The following ADAM22 variants were observed in gnomAD, a reference collection of about 807,000 sequenced individuals.
ADAM22 encodes ADAM metallopeptidase domain 22.
ADAM22 carries 65 observed loss-of-function variants against 144.6 expected under a neutral mutation model. The ratio of observed to expected loss-of-function variants is 0.45; its 90% CI spans 0.37 to 0.55. The LOEUF (loss-of-function observed/expected upper bound fraction) is 0.55. ADAM22 is among the 20% of genes least tolerant of loss of function. ADAM22 has a pLI of 0.00. For missense variants in ADAM22, 974 were observed against 1,184.9 expected (o/e 0.82, Z 2.61); for synonymous variants, 391 against 412.6 (o/e 0.95, Z 0.63).
intron 29 of ADAM22, among the ~76,000 whole-genome samples, chr7:88,182,966 C>A (rs1847452903): frequency 6.6e-6 from 1 of 152,134 alleles, no homozygotes; most frequent in African/African-American, 2.4e-5. Context: ...TATTTGTTAA[C>A]TGCTTGTCAA....
chr7:88,068,043 G>T (rs940473389), intron 3 of ADAM22, among the ~76,000 whole-genome samples: 4 of 151,866 alleles, frequency 2.6e-5, no homozygotes, highest in African/African-American at 9.7e-5. Context: ...ACATGCTGAG[G>T]GTATAGATAA....
rs1843455183 is a variant in ADAM22 at position 87,945,433 on chromosome 7, G to A, written c.246+10247G>A. On this transcript the variant is annotated intron_variant, in intron 2 of 31. Coordinates refer to ENST00000413139, the MANE Select transcript of ADAM22 (RefSeq NM_001324418.2). ...AAAACTTTAAGTAAGTGTTTAATAA[G>A]GATAGGATTTTGAAAAACAGATATA... Among the ~76,000 whole-genome samples, 3 of 151,988 alleles carry A rather than the reference G, an allele frequency of 2.0e-5. No individual in the cohort carries two copies. The South Asian group carries it at 6.2e-4, about 32-fold the overall frequency.
At chr7:88,074,502 C>A (rs779112475) in intron 3 of ADAM22, among the ~76,000 whole-genome samples, 21 of 152,054 alleles carry the variant, frequency 1.4e-4, no homozygotes. Flanking sequence ...TTATGCTAGA[C>A]CTGGAATTTC....
intron 3 of ADAM22, among the ~76,000 whole-genome samples, chr7:88,023,349 A>G (rs1798245343): frequency 6.6e-6 from 1 of 152,250 alleles, no homozygotes; most frequent in Non-Finnish European, 1.5e-5. Context: ...TGTAATAACC[A>G]TATCAGGGTA....
At chr7:88,072,247 T>A (rs1431117689) in intron 3 of ADAM22, among the ~76,000 whole-genome samples, 2 of 152,222 alleles carry the variant, frequency 1.3e-5, no homozygotes, top group East Asian at 3.8e-4. Context: ...AGCTGCATAA[T>A]TCCTGAGCAG....
chr7:87,980,669 A>C (rs952173616), intron 3 of ADAM22, among the ~76,000 whole-genome samples: 1 of 152,186 alleles, frequency 6.6e-6, no homozygotes, highest in African/African-American at 2.4e-5. Context: ...ATGTTCAGTA[A>C]ATAAAATTAT....
At chr7:88,064,678 C>G (rs548122558) in intron 3 of ADAM22, among the ~76,000 whole-genome samples, 1 of 152,120 alleles carries the variant, frequency 6.6e-6, no homozygotes, top group East Asian at 1.9e-4. Flanking sequence ...GATAGAAGGG[C>G]AAAGGGGACT....
intron 2 of ADAM22, among the ~76,000 whole-genome samples, chr7:87,949,574 G>A (rs1344617422): frequency 1.3e-5 from 2 of 152,130 alleles, no homozygotes; most frequent in African/African-American, 2.4e-5. Context: ...CTGAGAGAGT[G>A]ACATCTACTA....
chr7:88,092,649 A>C (rs1026371987), intron 4 of ADAM22, among the ~76,000 whole-genome samples: 1 of 152,230 alleles, frequency 6.6e-6, no homozygotes, highest in Non-Finnish European at 1.5e-5. Context: ...TTATAGGAAA[A>C]AAATTTGGGG....
intron 3 of ADAM22, among the ~76,000 whole-genome samples, chr7:88,012,611 C>A (rs1473633764): frequency 6.6e-6 from 1 of 152,182 alleles, no homozygotes; most frequent in Non-Finnish European, 1.5e-5. Flanking sequence ...TTCTTAGAGT[C>A]TACACCTTGC....
At chr7:88,044,975 T>C (rs1804199457) in intron 3 of ADAM22, among the ~76,000 whole-genome samples, 1 of 151,714 alleles carries the variant, frequency 6.6e-6, no homozygotes, top group East Asian at 1.9e-4. Flanking sequence ...TCCGCCCACC[T>C]CGGCCTCCCA....
intron 2 of ADAM22, among the ~76,000 whole-genome samples, chr7:87,973,502 A>G (rs1274601865): frequency 6.6e-6 from 1 of 152,048 alleles, no homozygotes; most frequent in Non-Finnish European, 1.5e-5. Flanking sequence ...ACTGTAAACT[A>G]GTTCAACCAT....
rs1316207202 is a variant in ADAM22 at position 88,116,733 on chromosome 7, G to A, written c.538-12G>A. The A allele has an allele frequency of 2.5e-6, 4 of 1,609,420 alleles. No homozygotes were observed. Among genetic ancestry groups the A allele is most frequent in the Non-Finnish European group, 3.4e-6 (4 of 1,176,178 alleles). On this transcript the variant is annotated splice_polypyrimidine_tract_variant and intron_variant, in intron 6 of 31. Transcript: ENST00000413139. ...TGTACATGCTTAATCACTGTTGCTTGTGTCATTTCAGGAGGATTTCCATTT... is the reference window on the plus strand; with the variant it reads ...TGTACATGCTTAATCACTGTTGCTTATGTCATTTCAGGAGGATTTCCATTT...
At chr7:87,981,995 T>C (rs928702678) in intron 3 of ADAM22, among the ~76,000 whole-genome samples, 1 of 151,388 alleles carries the variant, frequency 6.6e-6, no homozygotes, top group Non-Finnish European at 1.5e-5. Context: ...AGTTATTGTG[T>C]ATAAGACAAA....
At chr7:88,068,239 G>C (rs567356301) in intron 3 of ADAM22, among the ~76,000 whole-genome samples, 1 of 152,110 alleles carries the variant, frequency 6.6e-6, no homozygotes, top group Non-Finnish European at 1.5e-5. Context: ...AGAATGGAGA[G>C]AATGGGAAGA....
intron 26 of ADAM22, among the ~76,000 whole-genome samples, chr7:88,174,190 G>A (rs1180952767): frequency 1.3e-5 from 2 of 152,100 alleles, no homozygotes; most frequent in East Asian, 1.9e-4. Context: ...GAGTCCTCAA[G>A]GTTTTCAGTA....
At chr7:88,142,568 G>T (rs889866209) in intron 14 of ADAM22, among the ~76,000 whole-genome samples, 2 of 152,156 alleles carry the variant, frequency 1.3e-5, no homozygotes, top group Admixed American at 6.5e-5. Context: ...GCCGGGCGTG[G>T]TGGCTCACAC....
intron 26 of ADAM22, among the ~76,000 whole-genome samples, chr7:88,177,856 A>G (rs1016903039): frequency 5.3e-5 from 8 of 152,246 alleles, no homozygotes; most frequent in African/African-American, 1.9e-4. Context: ...TAAGAAAAAG[A>G]AAAGTTAGCA....
intron 4 of ADAM22, 59 bp downstream of exon 4, chr7:88,075,751 T>G (rs973148025): frequency 1.8e-5 from 21 of 1,159,994 alleles, no homozygotes; most frequent in Non-Finnish European, 2.6e-5. Context: ...ATACTACTGA[T>G]TATTATTTTA....
Sources: gnomAD v4.1 joint callset for allele counts (sites outside exome capture counted in the v4.1 genomes callset) on GRCh38, gnomAD v4.1.1 for gene constraint, MANE v1.5 for transcripts, NCBI Gene and HGNC (gene_info 2026-07-23, HGNC 2026-07-21) for gene names.